GPR180: variants seen among roughly 807,000 people sequenced by gnomAD.
GPR180 encodes the protein G protein-coupled receptor 180, also known as integral membrane protein GPR180.
A neutral mutation model predicts 52.6 loss-of-function variants in GPR180; 53 were observed. The observed-to-expected ratio is 1.01, with a 90% CI of 0.81 to 1.27. The LOEUF (loss-of-function observed/expected upper bound fraction) is 1.27, where lower values mean the gene tolerates loss of function less well. GPR180 is among the 50% of genes most tolerant of loss of function. GPR180 has a pLI of 0.00. For missense variants in GPR180, 533 were observed against 527.0 expected (o/e 1.01, Z -0.11); for synonymous variants, 200 against 193.1 (o/e 1.04, Z -0.30).
chr13:94,611,152 C>G (rs1050938967), intron 2 of GPR180, among the ~76,000 whole-genome samples: 2 of 152,096 alleles, frequency 1.3e-5, no homozygotes, highest in Non-Finnish European at 2.9e-5. Flanking sequence ...TGAATGATGC[C>G]ACACACCCCC....
intron 6 of GPR180, among the ~76,000 whole-genome samples, chr13:94,622,600 A>G (rs1005782343): frequency 2.0e-4 from 31 of 152,220 alleles, no homozygotes; most frequent in Admixed American, 1.0e-3. Context: ...GCTCTGTGGT[A>G]GCACTTCTGT....
intron 8 of GPR180, among the ~76,000 whole-genome samples, chr13:94,626,605 A>G (rs1261999281): frequency 6.6e-6 from 1 of 152,166 alleles, no homozygotes; most frequent in Non-Finnish European, 1.5e-5. Flanking sequence ...AGTAGTCTAC[A>G]AAAATAGAGA....
chr13:94,614,768 T>C (rs1889755243), intron 3 of GPR180, among the ~76,000 whole-genome samples: 1 of 152,250 alleles, frequency 6.6e-6, no homozygotes, highest in South Asian at 2.1e-4. Context: ...ATGGGGAAGT[T>C]ACATTGAGTA....
intron 1 of GPR180, among the ~76,000 whole-genome samples, chr13:94,603,405 G>C (rs190710677): frequency 2.6e-5 from 4 of 152,280 alleles, no homozygotes; most frequent in African/African-American, 9.6e-5. Context: ...AAACGTGGAG[G>C]AGAAACATGT....
rs1450101710 is a variant in GPR180 at position 94,631,391 on chromosome 13, G to A, written c.*4220G>A. On this transcript the variant is annotated 3_prime_UTR_variant, in exon 9 of 9. Transcript: ENST00000376958. The stretch of plus-strand genomic sequence containing the variant: ...CCCCTTATTTTGAATATTAAGATAT[G>A]TGTATGTGTATTAGATCCTAGTGGT... The A allele has an allele frequency of 3.3e-5, 5 of 151,750 alleles. 1 individual carries two copies. The South Asian group carries it at 1.0e-3, about 32-fold the overall frequency. The allele number at this position is 151,750 out of a possible 1,614,324, so 9.4% of individuals were successfully genotyped here.
rs775167832 is a variant in GPR180 at position 94,619,241 on chromosome 13, C to T, written c.597C>T (p.Gly199=). The change falls in exon 4 of 9, where the codon GGC becomes GGT. Residue 199 remains glycine, a synonymous_variant. Coordinates refer to ENST00000376958, the MANE Select transcript of GPR180 (RefSeq NM_180989.6). ...AQSLWQAIKK[G]GPMHMILKVL... is the part of the protein sequence containing the mutation. Reference sequence around the variant, plus strand: ...CATTGTGGCAGGCTATTAAGAAAGGCGGACCCATGCACATGATTTTAAAGG... The same window carrying T: ...CATTGTGGCAGGCTATTAAGAAAGGTGGACCCATGCACATGATTTTAAAGG... The T allele has an allele frequency of 1.2e-5, 20 of 1,613,902 alleles. No homozygotes were observed. Among genetic ancestry groups the T allele is most frequent in the Middle Eastern group, 1.6e-4 (1 of 6,084 alleles).
chr13:94,618,420 A>ATTTTTTTTTTTTTTTTTTTTTTTTTTTT lies in GPR180; in HGVS notation c.506-707_506-706insTTTTTTTTTTTTTTTTTTTTTTTTTTTT, dbSNP rs570807308. Among the ~76,000 whole-genome samples the ATTTTTTTTTTTTTTTTTTTTTTTTTTTT allele has an allele frequency of 9.4e-4, 82 of 87,128 alleles. 15 individuals carry two copies. Among genetic ancestry groups the ATTTTTTTTTTTTTTTTTTTTTTTTTTTT allele is most frequent in the African/African-American group, 2.7e-3 (43 of 15,832 alleles). The allele number at this position is 87,128 out of a possible 152,430, so 57.2% of individuals were successfully genotyped here. A position where few individuals can be genotyped will look rare whatever the true frequency, so the allele number is the denominator to read the frequency against. On this transcript the variant is annotated intron_variant, in intron 3 of 8. Transcript: ENST00000376958. ...CATGGAGTCGCATGATCAGCACAGGATTTTTTTTTTTTTTTTTTTTTTTGG... is the reference window on the plus strand; with the variant it reads ...CATGGAGTCGCATGATCAGCACAGGATTTTTTTTTTTTTTTTTTTTTTTTTTTTTTTTTTTTTTTTTTTTTTTTTTTGG...
At chr13:94,625,544 C>A (rs1304040188) in intron 7 of GPR180, among the ~76,000 whole-genome samples, 1 of 152,122 alleles carries the variant, frequency 6.6e-6, no homozygotes, top group Non-Finnish European at 1.5e-5. Context: ...TCTGTTCTAA[C>A]CCTCAAACAG....
At chr13:94,610,250 T>C (rs961664448) in intron 2 of GPR180, among the ~76,000 whole-genome samples, 16 of 152,196 alleles carry the variant, frequency 1.1e-4, no homozygotes, top group Admixed American at 1.0e-3. Flanking sequence ...TGAAATCTAT[T>C]CCATACATAC....
In GPR180 at chr13:94,632,001, A is replaced by G. The variant is rs1246191291; in HGVS notation, c.*4830A>G. The G allele has an allele frequency of 6.6e-6, 1 of 152,198 alleles. No individual in the cohort carries two copies. Among genetic ancestry groups the G allele is most frequent in the Admixed American group, 6.5e-5 (1 of 15,274 alleles). The allele number at this position is 152,198 out of a possible 1,614,324, so 9.4% of individuals were successfully genotyped here. ...GACAGTAGTCAGAAGCAGCTGGGAA[A>G]AGATGGGAAAACTAGAAATGACAAT... On this transcript the variant is annotated 3_prime_UTR_variant, in exon 9 of 9. Transcript: ENST00000376958.
chr13:94,603,036 G>C (rs904178451), intron 1 of GPR180, among the ~76,000 whole-genome samples: 1 of 150,988 alleles, frequency 6.6e-6, no homozygotes, highest in Non-Finnish European at 1.5e-5. Flanking sequence ...GGAATTTAAA[G>C]TATTGGGAAA....
chr13:94,611,469 T>C (rs917239424), intron 2 of GPR180, among the ~76,000 whole-genome samples: 1 of 152,206 alleles, frequency 6.6e-6, no homozygotes, highest in Non-Finnish European at 1.5e-5. Context: ...ACATTTAGCA[T>C]TGTGTATATT....
chr13:94,621,072 C>G lies in GPR180; in HGVS notation c.737-6C>G, dbSNP rs777512358. ...TTGGTTGACGTTGGTTTTCATGTCC[C>G]ATTAGTTTTTGACATCGCTTCCCAA... On this transcript the variant is annotated splice_region_variant and splice_polypyrimidine_tract_variant and intron_variant, in intron 5 of 8. Transcript: ENST00000376958. 1.3e-6 allele frequency: 2 copies of G among 1,598,596 alleles called. No individual in the cohort carries two copies. Among genetic ancestry groups the G allele is most frequent in the African/African-American group, 2.7e-5 (2 of 73,764 alleles).
intron 2 of GPR180, among the ~76,000 whole-genome samples, chr13:94,611,157 A>C (rs1164558908): frequency 6.6e-6 from 1 of 151,806 alleles, no homozygotes; most frequent in African/African-American, 2.4e-5. Flanking sequence ...GATGCCACAC[A>C]CCCCCCACCC....
intron 3 of GPR180, among the ~76,000 whole-genome samples, chr13:94,614,217 T>C (rs1031167532): frequency 1.3e-5 from 2 of 152,206 alleles, no homozygotes; most frequent in African/African-American, 4.8e-5. Flanking sequence ...ATGACCCTTA[T>C]TTTTAGGACT....
At chr13:94,617,303 T>A (rs777985117) in intron 3 of GPR180, among the ~76,000 whole-genome samples, 2 of 152,182 alleles carry the variant, frequency 1.3e-5, no homozygotes, top group African/African-American at 4.8e-5. Flanking sequence ...GAAGGAAAGA[T>A]AAAAACTAAG....
chr13:94,615,514 C>G (rs758011637), intron 3 of GPR180, among the ~76,000 whole-genome samples: 1 of 152,096 alleles, frequency 6.6e-6, no homozygotes, highest in Non-Finnish European at 1.5e-5. Context: ...TTGGTTAATC[C>G]TCTATTTTAC....
chr13:94,626,307 A>G (rs1315988380), intron 8 of GPR180, among the ~76,000 whole-genome samples: 1 of 152,160 alleles, frequency 6.6e-6, no homozygotes, highest in East Asian at 1.9e-4. Context: ...TTTATAAATT[A>G]GAGAATTTAT....
intron 6 of GPR180, among the ~76,000 whole-genome samples, chr13:94,621,730 A>AT (rs1889854509): frequency 6.6e-6 from 1 of 152,190 alleles, no homozygotes; most frequent in Admixed American, 6.5e-5. Flanking sequence ...CTAAAAAAGA[A>AT]TGGGATCTTG....
Sources: allele counts gnomAD v4.1 joint callset (sites outside exome capture counted in the v4.1 genomes callset), GRCh38; gene constraint gnomAD v4.1.1; transcripts MANE v1.5; gene names NCBI Gene and HGNC (gene_info 2026-07-23, HGNC 2026-07-21).